The following CA5B variants were observed in gnomAD, a reference collection of about 807,000 sequenced individuals.
CA5B encodes the protein carbonic anhydrase 5B, mitochondrial.
Under a neutral mutation model 23.1 loss-of-function variants are expected in CA5B, and 15 were observed. The ratio of observed to expected loss-of-function variants is 0.65; its 90% confidence interval spans 0.43 to 1.00. CA5B has a LOEUF of 1.00. CA5B is among the 50% of genes least tolerant of loss of function. The probability of loss-of-function intolerance (pLI) is 0.00; values close to 1 mark genes in which losing one functional copy is unlikely to be tolerated. For synonymous variants in CA5B, 84 were observed against 98.5 expected (o/e 0.85, Z 0.87); for missense variants, 236 against 252.2 (o/e 0.94, Z 0.43).
chrX:15,764,446 C>T (rs1931664986), intron 2 of CA5B, 132 bp from the exon 3 acceptor site: 4 of 1,020,202 alleles, frequency 3.9e-6, no homozygotes, highest in Non-Finnish European at 5.3e-6. Flanking sequence ...CGCCGTGTTT[C>T]CTAGGCTGGT....
chrX:15,775,198 A>C lies in CA5B; in HGVS notation c.556-48A>C, dbSNP rs761671015. On this transcript the variant is annotated intron_variant, in intron 5 of 7. Transcript: ENST00000318636. ...ATTCACATTCTGTTACAGTTTCTAC[A>C]GTGAGATGTCCATTGTTTGTAATAT... is the stretch of plus-strand genomic sequence containing the variant. 7.2e-6 allele frequency: 7 copies of C among 966,525 alleles called. No individual in the cohort carries two copies. The South Asian group carries it at 1.6e-4, about 22-fold the overall frequency. The allele number at this position is 966,525 out of a possible 1,213,427, so 79.7% of individuals were successfully genotyped here. A position where few individuals can be genotyped will look rare whatever the true frequency, so the allele number is the denominator to read the frequency against.
intron 1 of CA5B, among the ~76,000 whole-genome samples, chrX:15,745,961 G>A (rs1167907809): frequency 9.2e-6 from 1 of 109,104 alleles, no homozygotes; most frequent in Non-Finnish European, 1.9e-5. Flanking sequence ...ATAACACTTA[G>A]CAGCTTTTTC....
In CA5B at chrX:15,785,403, G is replaced by A. The variant is rs1169572762; in HGVS notation, c.*2739G>A. 1.4e-4 allele frequency: 16 copies of A among 112,522 alleles called. No individual in the cohort carries two copies. Among genetic ancestry groups the A allele is most frequent in the Non-Finnish European group, 3.0e-4 (16 of 53,346 alleles). 9.3% of individuals were successfully genotyped at this position (112,522 alleles called of 1,213,427 possible). A position where few individuals can be genotyped will look rare whatever the true frequency, so the allele number is the denominator to read the frequency against. On this transcript the variant is annotated 3_prime_UTR_variant, in exon 8 of 8. Coordinates refer to ENST00000318636, the MANE Select transcript of CA5B (RefSeq NM_007220.4). ...GAACCTTGAAGGCATTATGCCAAGTGAAATAAGCCAGCCAACAAAAGAACA... is the reference window on the plus strand; with the variant it reads ...GAACCTTGAAGGCATTATGCCAAGTAAAATAAGCCAGCCAACAAAAGAACA...
chrX:15,769,083 A>C (rs942528413), intron 3 of CA5B, among the ~76,000 whole-genome samples: 2 of 111,806 alleles, frequency 1.8e-5, no homozygotes, highest in African/African-American at 6.5e-5. Flanking sequence ...AGAACAAACT[A>C]AACCCAAAAG....
intron 1 of CA5B, 48 bp from the exon 2 acceptor site, chrX:15,749,923 A>T: frequency 1.0e-6 from 1 of 990,498 alleles, no homozygotes; most frequent in East Asian, 3.1e-5. Context: ...CCATCATCTT[A>T]AGTTTCTGTT....
intron 3 of CA5B, chrX:15,766,942 A>G: frequency 2.9e-6 from 1 of 347,996 alleles, no homozygotes; most frequent in South Asian, 2.6e-5. Context: ...GGAAGTCCAT[A>G]ATATTACCTT....
intron 2 of CA5B, among the ~76,000 whole-genome samples, chrX:15,758,973 G>T (rs1421493113): frequency 8.9e-6 from 1 of 111,799 alleles, no homozygotes; most frequent in Non-Finnish European, 1.9e-5. Flanking sequence ...CTGCACCTAT[G>T]TAATAAATGT....
intron 2 of CA5B, among the ~76,000 whole-genome samples, chrX:15,759,273 C>G (rs1460452117): frequency 8.9e-6 from 1 of 111,777 alleles, no homozygotes; most frequent in East Asian, 2.8e-4. Flanking sequence ...GTTCATGACC[C>G]CCTAACATTT....
chrX:15,752,598 G>A (rs916792193), intron 2 of CA5B, among the ~76,000 whole-genome samples: 6 of 110,872 alleles, frequency 5.4e-5, no homozygotes, highest in African/African-American at 1.6e-4. Context: ...GGTGGTGGGC[G>A]CCTGCAGTCC....
At position 15,782,543 on chromosome X, in the gene CA5B, T is replaced by C. The variant is rs1932042809; in HGVS notation, c.833T>C (p.Val278Ala). Reference sequence around the variant, plus strand: ...GAAGGGGAGAAAGAGAAAAGAATGGTGGACAACTTCCGCCCCCTTCAGCCA... The same window carrying C: ...GAAGGGGAGAAAGAGAAAAGAATGGCGGACAACTTCCGCCCCCTTCAGCCA... ...TSEGEKEKRM[V>A]DNFRPLQPLM... The change falls in exon 8 of 8, where the codon GTG (valine) becomes GCG (alanine). Residue 278 changes from valine to alanine, a missense_variant. By Grantham distance (64) the Val-to-Ala change is moderately conservative (BLOSUM62 0). Transcript: ENST00000318636. 1 of 1,208,821 alleles carries C rather than the reference T, an allele frequency of 8.3e-7. No individual in the cohort carries two copies. Among genetic ancestry groups the C allele is most frequent in the Non-Finnish European group, 1.1e-6 (1 of 894,125 alleles).
At chrX:15,772,659 G>T in intron 4 of CA5B, 45 bp downstream of exon 4, 1 of 745,520 alleles carries the variant, frequency 1.3e-6, no homozygotes, top group Non-Finnish European at 2.0e-6. Context: ...AGAGAAGTGG[G>T]GATAATTCTG....
intron 2 of CA5B, among the ~76,000 whole-genome samples, chrX:15,752,778 C>T (rs1347260437): frequency 9.0e-6 from 1 of 110,837 alleles, no homozygotes; most frequent in Non-Finnish European, 1.9e-5. Flanking sequence ...TCCAGACCCT[C>T]CCAATCCTAA....
intron 2 of CA5B, among the ~76,000 whole-genome samples, chrX:15,763,436 A>G (rs946835796): frequency 8.9e-6 from 1 of 112,513 alleles, no homozygotes; most frequent in Non-Finnish European, 1.9e-5. Flanking sequence ...CATGGCACCA[A>G]ACTCCATGCA....
At chrX:15,767,101 A>T (rs977629709) in intron 3 of CA5B, 11 of 874,239 alleles carry the variant, frequency 1.3e-5, no homozygotes, top group Non-Finnish European at 1.6e-5. Context: ...GACCCAGTCT[A>T]TAGGATACCA....
chrX:15,779,790 T>G (rs1198918229), intron 7 of CA5B, among the ~76,000 whole-genome samples: 1 of 111,824 alleles, frequency 8.9e-6, no homozygotes, highest in East Asian at 2.8e-4. Context: ...TTAGTCTGTT[T>G]CTATTCTTTG....
chrX:15,760,288 T>G (rs1931577883), intron 2 of CA5B, among the ~76,000 whole-genome samples: 1 of 110,769 alleles, frequency 9.0e-6, no homozygotes, highest in African/African-American at 3.3e-5. Context: ...AAAGTGTCAG[T>G]TTATCTTTAG....
rs770812254 is a variant in CA5B at position 15,756,469 on chromosome X, TA to T, written c.142+6307del. On this transcript the variant is annotated intron_variant, in intron 2 of 7. Transcript: ENST00000318636. ...GATTACCTGAGGAATGGTTGGATGC[TA>T]AATGGTATGAAAGCAAATTCAGTGT... 6.2e-5 allele frequency among the ~76,000 whole-genome samples: 7 copies of T among 112,789 alleles called. No homozygotes were observed. In the South Asian group the frequency reaches 2.5e-3, roughly 40 times the overall value.
At chrX:15,749,664 C>G (rs1387293698) in intron 1 of CA5B, among the ~76,000 whole-genome samples, 1 of 109,125 alleles carries the variant, frequency 9.2e-6, no homozygotes, top group Non-Finnish European at 1.9e-5. Flanking sequence ...TTTTAAGAAA[C>G]TGTACTGTAA....
intron 2 of CA5B, among the ~76,000 whole-genome samples, chrX:15,758,650 G>A (rs915779317): frequency 9.0e-6 from 1 of 111,302 alleles, no homozygotes; most frequent in African/African-American, 3.3e-5. Context: ...GGGACTACAG[G>A]TATGAGCCAC....
Sources: allele counts gnomAD v4.1 joint callset (sites outside exome capture counted in the v4.1 genomes callset), GRCh38; gene constraint gnomAD v4.1.1; transcripts MANE v1.5; gene names NCBI Gene and HGNC (gene_info 2026-07-23, HGNC 2026-07-21).